MYLK: variants seen among roughly 807,000 people sequenced by gnomAD.
MYLK encodes the protein myosin light chain kinase, also known as myosin light chain kinase, smooth muscle.
In MYLK, 106 loss-of-function variants were observed where a neutral mutation model predicts 203.4. That is an observed-to-expected ratio of 0.52 (90% confidence interval 0.45 to 0.61). MYLK has a LOEUF of 0.61. MYLK is among the 20% of genes least tolerant of loss of function. The probability of loss-of-function intolerance (pLI) is 0.00; values close to 1 mark genes in which losing one functional copy is unlikely to be tolerated. For missense variants in MYLK, 2,072 were observed against 2,442.3 expected (o/e 0.85, Z 3.20); for synonymous variants, 867 against 959.5 (o/e 0.90, Z 1.78).
intron 5 of MYLK, among the ~76,000 whole-genome samples, chr3:123,745,192 G>A (rs2108844660): frequency 6.6e-6 from 1 of 152,164 alleles, no homozygotes; most frequent in East Asian, 1.9e-4. Flanking sequence ...GTCTGTTCTG[G>A]TAGGACTGTG....
At position 123,642,566 on chromosome 3, in the gene MYLK, C is replaced by T. The variant is rs1576409364; in HGVS notation, c.4620-2062G>A. On this transcript the variant is annotated intron_variant, in intron 27 of 33. Transcript: ENST00000360304. The surrounding 1 kb of genome is among the most constrained non-coding windows in gnomAD (Gnocchi z 4.2). ...GGGAGCTAGAACTCATACTTTAAAA[C>T]CCATCTGAGAAGAAGGTCCCCAAAT... Among the ~76,000 whole-genome samples the T allele has an allele frequency of 6.6e-6, 1 of 152,158 alleles. No homozygotes were observed. Among genetic ancestry groups the T allele is most frequent in the East Asian group, 1.9e-4 (1 of 5,192 alleles).
intron 4 of MYLK, among the ~76,000 whole-genome samples, chr3:123,769,375 G>A (rs1056663058): frequency 9.2e-5 from 14 of 152,146 alleles, no homozygotes; most frequent in African/African-American, 2.7e-4. Flanking sequence ...CCAGTAACAC[G>A]GGTTATGTTT....
intron 2 of MYLK, among the ~76,000 whole-genome samples, chr3:123,845,871 T>C (rs1243045699): frequency 6.6e-6 from 1 of 152,194 alleles, no homozygotes; most frequent in African/African-American, 2.4e-5. Context: ...AAATAAATGT[T>C]TTATTTGGGA....
intron 11 of MYLK, among the ~76,000 whole-genome samples, chr3:123,726,861 G>A (rs72970863): frequency 0.04 from 6,044 of 152,260 alleles, 230 homozygotes; most frequent in South Asian, 0.1. Flanking sequence ...CTGTACATGT[G>A]TCAAGGTGGC....
Position 123,700,285 on chromosome 3 carries a change from G to A in MYLK, c.3183C>T (p.Ser1061=), listed in dbSNP as rs370194660. 196 of 1,613,942 alleles carry A rather than the reference G, an allele frequency of 1.2e-4. No individual in the cohort carries two copies. Among genetic ancestry groups the A allele is most frequent in the South Asian group, 5.6e-4 (51 of 91,056 alleles). Reference sequence around the variant, plus strand: ...CTTTCTTGAGTTCTTCTTTGCTAGCGGATTTCAGGTTCTCATCAGGCTTGG... The same window carrying A: ...CTTTCTTGAGTTCTTCTTTGCTAGCAGATTTCAGGTTCTCATCAGGCTTGG... ...GNAKPDENLK[S]ASKEELKKDV... The change falls in exon 18 of 34, where the codon TCC becomes TCT. Residue 1061 remains serine, a synonymous_variant. Coordinates refer to ENST00000360304, the MANE Select transcript of MYLK (RefSeq NM_053025.4).
intron 18 of MYLK, among the ~76,000 whole-genome samples, 181 bp downstream of exon 18, chr3:123,699,839 T>C (rs902260755): frequency 6.6e-6 from 1 of 152,160 alleles, no homozygotes; most frequent in African/African-American, 2.4e-5. Context: ...CCGGGACCTA[T>C]CCTTGAGTTA....
chr3:123,750,175 A>G (rs1249501110), intron 5 of MYLK, among the ~76,000 whole-genome samples: 1 of 152,264 alleles, frequency 6.6e-6, no homozygotes, highest in Non-Finnish European at 1.5e-5. Flanking sequence ...AAAGAGCTGC[A>G]TCCTTTAGGC....
At chr3:123,635,407 G>T (rs2058604339) in intron 29 of MYLK, among the ~76,000 whole-genome samples, 1 of 152,232 alleles carries the variant, frequency 6.6e-6, no homozygotes. Flanking sequence ...TTCCATCCAT[G>T]CTGAGAGAGC....
rs775483725 is a variant in MYLK at position 123,732,979 on chromosome 3, C to T, written c.1433G>A (p.Arg478Gln). ...GCTGTATGTCCCACTGTCCCTGGTC[C>T]GGGCTTTCAGCAGGCAGAGGTAATG... The part of the protein sequence containing the change: ...GSHYLCLLKA[R>Q]TRDSGTYSCT... Residue 478 changes from arginine (R) to glutamine (Q), a missense_variant, in exon 11 of 34, where the codon CGG becomes CAG. Arg to Gln is a conservative substitution (Grantham distance 43). Around this residue, in one of 3 missense-constraint regions of MYLK, gnomAD observed 683 missense variants for 643.8 expected, o/e 1.06. Transcript: ENST00000360304. 1.5e-5 allele frequency: 25 copies of T among 1,614,056 alleles called. No individual in the cohort carries two copies. In the East Asian group the frequency reaches 1.8e-4, roughly 12 times the overall value.
intron 30 of MYLK, among the ~76,000 whole-genome samples, chr3:123,628,462 T>C (rs1464731373): frequency 6.6e-6 from 1 of 152,180 alleles, no homozygotes; most frequent in Non-Finnish European, 1.5e-5. Context: ...ACCACCCTTC[T>C]TGGCAAGGCT....
At chr3:123,622,603 A>G (rs1326606799) in intron 31 of MYLK, 2 of 152,272 alleles carry the variant, frequency 1.3e-5, no homozygotes, top group African/African-American at 4.8e-5. Context: ...AAAGAGTTAT[A>G]GTATTTCAGA....
intron 13 of MYLK, among the ~76,000 whole-genome samples, chr3:123,711,645 G>A (rs1364979534): frequency 6.6e-6 from 1 of 152,200 alleles, no homozygotes; most frequent in Non-Finnish European, 1.5e-5. Flanking sequence ...TTGGTTCTGT[G>A]AGCCAGGCAG....
At chr3:123,632,186 T>C (rs1003157385) in intron 29 of MYLK, among the ~76,000 whole-genome samples, 1 of 152,018 alleles carries the variant, frequency 6.6e-6, no homozygotes, top group African/African-American at 2.4e-5. Flanking sequence ...GCTTCTCCTT[T>C]TATACATCAA....
At chr3:123,619,034 A>G (rs2057690369) in intron 32 of MYLK, among the ~76,000 whole-genome samples, 1 of 152,178 alleles carries the variant, frequency 6.6e-6, no homozygotes, top group Non-Finnish European at 1.5e-5. Context: ...AGAGGAAATC[A>G]TCTTTAAAAA....
rs1361360418 is a variant in MYLK at position 123,611,321 on chromosome 3, G to C, written c.*2784C>G. 2.6e-5 allele frequency: 4 copies of C among 152,066 alleles called. No homozygotes were observed. The highest frequency in any genetic ancestry group is 5.9e-5 in the Non-Finnish European group (4 of 68,026). 9.4% of individuals were successfully genotyped at this position (152,066 alleles called of 1,614,324 possible). A position where few individuals can be genotyped will look rare whatever the true frequency, so the allele number is the denominator to read the frequency against. ...AACAGACTTCCTGTAAAGCAGGACT[G>C]GTAGTTTCCTGATAACAAATTCTTC... On this transcript the variant is annotated 3_prime_UTR_variant, in exon 34 of 34. Coordinates refer to ENST00000360304, the MANE Select transcript of MYLK (RefSeq NM_053025.4).
intron 29 of MYLK, among the ~76,000 whole-genome samples, chr3:123,634,903 A>G (rs925318701): frequency 2.0e-5 from 3 of 152,228 alleles, no homozygotes; most frequent in Admixed American, 6.5e-5. Flanking sequence ...GGTATTGCTA[A>G]CTTCAGAAGG....
At chr3:123,781,771 C>T (rs1222577038) in intron 4 of MYLK, among the ~76,000 whole-genome samples, 1 of 151,834 alleles carries the variant, frequency 6.6e-6, no homozygotes, top group African/African-American at 2.4e-5. Context: ...GGCCAGCCCT[C>T]CCCAAGCACC....
At chr3:123,636,064 G>A (rs1287849461) in intron 29 of MYLK, among the ~76,000 whole-genome samples, 1 of 152,230 alleles carries the variant, frequency 6.6e-6, no homozygotes, top group Admixed American at 6.5e-5. Context: ...AGGGGTGCCA[G>A]AGGGCTGTGG....
chr3:123,814,842 G>T (rs1229415337), intron 3 of MYLK, among the ~76,000 whole-genome samples: 1 of 152,006 alleles, frequency 6.6e-6, no homozygotes, highest in East Asian at 1.9e-4. Context: ...ACCCAGGCTG[G>T]AGTACAGCGG....
Sources: allele counts gnomAD v4.1 joint callset (sites outside exome capture counted in the v4.1 genomes callset), GRCh38; gene constraint gnomAD v4.1.1; regional missense constraint gnomAD v4.1.1; non-coding constraint Gnocchi (gnomAD v3.1); transcripts MANE v1.5; gene names NCBI Gene and HGNC (gene_info 2026-07-23, HGNC 2026-07-21).